PSMA2: variants seen among roughly 807,000 people sequenced by gnomAD.
PSMA2 encodes proteasome 20S subunit alpha 2, also known as proteasome subunit alpha type-2.
A neutral mutation model predicts 35.9 loss-of-function variants in PSMA2; 2 were observed. The observed-to-expected ratio is 0.06, with a 90% CI of 0.02 to 0.18. The LOEUF (loss-of-function observed/expected upper bound fraction) is 0.18, where lower values mean the gene tolerates loss of function less well. Among genes scored for constraint, PSMA2 ranks in the 10% least tolerant of loss-of-function variants. The pLI, the probability that PSMA2 is intolerant of heterozygous loss-of-function variation, is 1.00. For synonymous variants in PSMA2, 97 were observed against 98.2 expected, an observed-to-expected ratio of 0.99 and a Z score of 0.07; for missense variants, 126 against 278.8, an observed-to-expected ratio of 0.45 and a Z score of 3.90.
intron 1 of PSMA2, among the ~76,000 whole-genome samples, chr7:42,930,618 T>C (rs1031067713): frequency 6.6e-6 from 1 of 152,124 alleles, no homozygotes; most frequent in Admixed American, 6.5e-5. Context: ...TACGGTTGTT[T>C]TATGTTTTCA....
intron 1 of PSMA2, 103 bp from the exon 2 acceptor site, chr7:42,927,562 C>G (rs1327304082): frequency 2.8e-5 from 32 of 1,138,118 alleles, no homozygotes; most frequent in Non-Finnish European, 6.5e-6. Flanking sequence ...CCAATTTATC[C>G]AACTCCAGGG....
At chr7:42,923,260 T>C (rs914958340) in intron 5 of PSMA2, 65 bp downstream of exon 5, 2 of 1,229,736 alleles carry the variant, frequency 1.6e-6, no homozygotes, top group Non-Finnish European at 2.4e-6. Context: ...TTATGGCTTC[T>C]ATTTCTGTTA....
At chr7:42,919,454 G>T (rs1391744087) in intron 6 of PSMA2, 3 of 537,384 alleles carry the variant, frequency 5.6e-6, no homozygotes, top group Non-Finnish European at 1.1e-5. Flanking sequence ...CAGAACCTGA[G>T]GAAATTAGTG....
chr7:42,930,702 G>A (rs550814326), intron 1 of PSMA2, among the ~76,000 whole-genome samples: 222 of 151,630 alleles, frequency 1.5e-3, no homozygotes, highest in African/African-American at 5.1e-3. Context: ...AAGACCTCAT[G>A]CCTTAAAAAA....
Position 42,927,395 on chromosome 7 carries a change from C to A in PSMA2, c.106G>T (p.Val36Leu). Residue 36 changes from valine (V) to leucine (L), a missense_variant, in exon 2 of 8, where the codon GTG becomes TTG. Transcript: ENST00000223321. ...AGCATTTCATTACCTTTAATTCCCA[C>A]GGACGGGGCTCCTCCAGCTACAGCA... ...LAAVAGGAPS[V>L]GIKAANGVVL... 1 of 1,613,808 alleles carries A rather than the reference C, an allele frequency of 6.2e-7. No individual in the cohort carries two copies. Among genetic ancestry groups the A allele is most frequent in the Non-Finnish European group, 8.5e-7 (1 of 1,179,722 alleles).
At chr7:42,923,732 A>G (rs568339086) in intron 4 of PSMA2, among the ~76,000 whole-genome samples, 1 of 152,244 alleles carries the variant, frequency 6.6e-6, no homozygotes, top group Non-Finnish European at 1.5e-5. Context: ...AGGTTTACCT[A>G]TTACAAAATG....
At chr7:42,927,765 G>A (rs967414083) in intron 1 of PSMA2, among the ~76,000 whole-genome samples, 1 of 152,166 alleles carries the variant, frequency 6.6e-6, no homozygotes, top group Non-Finnish European at 1.5e-5. Context: ...AATTAGCCGG[G>A]TATGGTGGTG....
chr7:42,931,203 G>T, intron 1 of PSMA2: 1 of 444,294 alleles, frequency 2.3e-6, no homozygotes, highest in Non-Finnish European at 4.5e-6. Context: ...AGCAGGTTAA[G>T]GTTAAGTTGC....
At position 42,925,494 on chromosome 7, in the gene PSMA2, C is replaced by T. The variant is rs1369001331; in HGVS notation, c.252-697G>A. Among the ~76,000 whole-genome samples the T allele has an allele frequency of 1.3e-5, 2 of 152,190 alleles. 1 individual carries two copies. The highest frequency in any genetic ancestry group is 2.9e-5 in the Non-Finnish European group (2 of 68,034). On this transcript the variant is annotated intron_variant, in intron 3 of 7. Transcript: ENST00000223321. The stretch of plus-strand genomic sequence containing the variant: ...ATGGACTTTCCTTTCTGACATATTC[C>T]TCTTCTACTATACAGGAACTGGGCA...
At chr7:42,919,275 A>G (rs761655849) in intron 6 of PSMA2, 4 of 613,470 alleles carry the variant, frequency 6.5e-6, no homozygotes, top group Non-Finnish European at 1.3e-5. Context: ...AAGCAGCCAC[A>G]GCAGCTGCAG....
rs3801393 is a variant in PSMA2 at position 42,922,879 on chromosome 7, C to T, written c.456+446G>A. ...TCTGCATTAGAGCAGACAACTTACC[C>T]AAGGTACCAATTACACAATCATTTT... On this transcript the variant is annotated intron_variant, in intron 5 of 7. Transcript: ENST00000223321. 4.6e-5 allele frequency among the ~76,000 whole-genome samples: 7 copies of T among 152,154 alleles called. No homozygotes were observed. In the East Asian group the frequency reaches 1.3e-3, roughly 29 times the overall value.
At chr7:42,920,109 C>T (rs1786102953) in intron 6 of PSMA2, 1 of 511,922 alleles carries the variant, frequency 2.0e-6, no homozygotes, top group African/African-American at 1.9e-5. Flanking sequence ...GCATGTGCCA[C>T]AGACAGCATA....
At chr7:42,927,122 CA>C (rs1174171534) in intron 2 of PSMA2, among the ~76,000 whole-genome samples, 3 of 41,566 alleles carry the variant, frequency 7.2e-5, no homozygotes, top group African/African-American at 2.1e-4. Context: ...AGTGGAAAAA[CA>C]AAAAAAGAAC....
At position 42,916,932 on chromosome 7, in the gene PSMA2, A is replaced by C. The variant is rs916705070; in HGVS notation, c.*642T>G. The C allele has an allele frequency of 6.6e-6, 1 of 152,180 alleles. No homozygotes were observed. The highest frequency in any genetic ancestry group is 2.4e-5 in the African/African-American group (1 of 41,444). The allele number at this position is 152,180 out of a possible 1,614,324, so 9.4% of individuals were successfully genotyped here. On this transcript the variant is annotated 3_prime_UTR_variant, in exon 8 of 8. Coordinates refer to ENST00000223321, the MANE Select transcript of PSMA2 (RefSeq NM_002787.5). The stretch of plus-strand genomic sequence containing the variant: ...TCCTTGAGTTTAAAAAGTCTAACAA[A>C]ATCTAAGAACCCGGGTTCCTTTAAA...
chr7:42,927,998 G>GT (rs1236672580), intron 1 of PSMA2, among the ~76,000 whole-genome samples: 2 of 152,072 alleles, frequency 1.3e-5, no homozygotes, highest in African/African-American at 2.4e-5. Flanking sequence ...CTCTTTGGTT[G>GT]TTTTTTGTCT....
rs1168905242 is a variant in PSMA2 at position 42,921,843 on chromosome 7, A to G, written c.530+15T>C. The G allele has an allele frequency of 3.7e-6, 6 of 1,603,336 alleles. No homozygotes were observed. Among genetic ancestry groups the G allele is most frequent in the Non-Finnish European group, 3.4e-6 (4 of 1,173,622 alleles). On this transcript the variant is annotated intron_variant, in intron 6 of 7. Coordinates refer to ENST00000223321, the MANE Select transcript of PSMA2 (RefSeq NM_002787.5). ...TGAGTTTGCTAAAGAATGCAGTTAC[A>G]ATGAGTAGGCCTACCTTTTCTCAAG...
At chr7:42,917,757 G>T (rs367806569) in intron 7 of PSMA2, 21 bp downstream of exon 7, 2 of 1,610,862 alleles carry the variant, frequency 1.2e-6, no homozygotes, top group African/African-American at 2.7e-5. Context: ...TATAAATCCA[G>T]TTGTTGAATA....
intron 4 of PSMA2, among the ~76,000 whole-genome samples, chr7:42,924,353 C>CAAAAAAAAAAAAA (rs58198756): frequency 4.3e-5 from 3 of 69,418 alleles, no homozygotes; most frequent in African/African-American, 1.8e-4. Context: ...GACTCTGACT[C>CAAAAAAAAAAAAA]AAAAAAAAAA....
At chr7:42,922,772 T>C (rs1444376369) in intron 5 of PSMA2, among the ~76,000 whole-genome samples, 1 of 152,210 alleles carries the variant, frequency 6.6e-6, no homozygotes, top group Non-Finnish European at 1.5e-5. Context: ...TCTTGAATTT[T>C]GTCTTAAGGT....
Sources: allele counts gnomAD v4.1 joint callset (sites outside exome capture counted in the v4.1 genomes callset), GRCh38; gene constraint gnomAD v4.1.1; transcripts MANE v1.5; gene names NCBI Gene and HGNC (gene_info 2026-07-23, HGNC 2026-07-21).